Variants in GPHN observed in about 807,000 individuals in gnomAD.
The protein encoded by GPHN is gephyrin.
In GPHN, 17 loss-of-function variants were observed where a neutral mutation model predicts 95.5. The ratio of observed to expected loss-of-function variants is 0.18; its 90% CI spans 0.12 to 0.27. GPHN has a LOEUF of 0.27. Among genes scored for constraint, GPHN ranks in the 10% least tolerant of loss-of-function variants. The pLI is 1.00. For missense variants in GPHN, 660 were observed against 978.1 expected, an observed-to-expected ratio of 0.67 and a Z score of 4.34; for synonymous variants, 320 against 322.5, an observed-to-expected ratio of 0.99 and a Z score of 0.08.
chr14:66,742,235 A>G (rs1391958059), intron 2 of GPHN, among the ~76,000 whole-genome samples: 1 of 152,238 alleles, frequency 6.6e-6, no homozygotes, highest in Admixed American at 6.5e-5. Flanking sequence ...AGACAATATA[A>G]TAAATACCTC....
At chr14:67,619,436 C>T in the GPHN span, among the ~76,000 whole-genome samples, 1 of 152,228 alleles carries the variant, frequency 6.6e-6, no homozygotes, top group Admixed American at 6.5e-5. Flanking sequence ...CACTGATGCC[C>T]AGTCTAAGAG....
chr14:67,321,330 A>G, the GPHN span: 21 of 1,493,422 alleles, frequency 1.4e-5, no homozygotes, highest in Admixed American at 1.7e-4. Context: ...AGTGGAAGCT[A>G]TATTTTGGTC....
At chr14:66,996,197 A>T (rs901286209) in intron 9 of GPHN, 23 of 1,532,826 alleles carry the variant, frequency 1.5e-5, no homozygotes, top group Admixed American at 2.0e-5. Flanking sequence ...CCTCGTGCTC[A>T]TCTACCTATA....
chr14:66,832,463 G>A (rs915144387), intron 4 of GPHN, among the ~76,000 whole-genome samples: 4 of 152,144 alleles, frequency 2.6e-5, no homozygotes, highest in African/African-American at 9.7e-5. Flanking sequence ...CATAATTGGT[G>A]GATATGTCTT....
chr14:66,849,091 G>C (rs920323789), intron 4 of GPHN, among the ~76,000 whole-genome samples: 4 of 151,794 alleles, frequency 2.6e-5, no homozygotes, highest in Non-Finnish European at 5.9e-5. Flanking sequence ...ATTATATTTA[G>C]AAAGATTAAA....
chr14:67,527,503 T>C, the GPHN span, among the ~76,000 whole-genome samples: 2 of 152,156 alleles, frequency 1.3e-5, no homozygotes, highest in Non-Finnish European at 2.9e-5. Flanking sequence ...CCTCAATAAA[T>C]ATGGCTTTAA....
At chr14:67,424,597 TAAAAAAAAAAA>T in the GPHN span, among the ~76,000 whole-genome samples, 1 of 124,898 alleles carries the variant, frequency 8.0e-6, no homozygotes, top group African/African-American at 3.0e-5. Context: ...AGACGCTGTT[TAAAAAAAAAAA>T]AAAAAAAAAG....
chr14:66,799,309 T>A (rs982499478), intron 3 of GPHN, among the ~76,000 whole-genome samples: 1 of 152,014 alleles, frequency 6.6e-6, no homozygotes, highest in Non-Finnish European at 1.5e-5. Flanking sequence ...TGTGAAATGA[T>A]GTGTAAATAT....
At chr14:67,490,609 T>G in the GPHN span, among the ~76,000 whole-genome samples, 3 of 152,196 alleles carry the variant, frequency 2.0e-5, no homozygotes, top group Non-Finnish European at 4.4e-5. Flanking sequence ...TTTTCTCTCC[T>G]TTCCTATAAC....
chr14:67,473,378 G>A, the GPHN span: 1 of 1,595,626 alleles, frequency 6.3e-7, no homozygotes, highest in South Asian at 1.1e-5. This position sits in a 1 kb window ranked among gnomAD's most constrained non-coding sequence, Gnocchi z 6.5. Flanking sequence ...CTTTGTCCAT[G>A]AGTTCCATGA....
chr14:67,341,879 C>T, the GPHN span, among the ~76,000 whole-genome samples: 766 of 152,240 alleles, frequency 5.0e-3, 3 homozygotes, highest in Non-Finnish European at 7.1e-3. Flanking sequence ...TGATCTATGA[C>T]CTTACCCCCA....
rs752388050 is a variant in GPHN at position 67,044,791 on chromosome 14, TTCTCTCTGTC to T, written c.1007-13841_1007-13832del. Among the ~76,000 whole-genome samples the T allele has an allele frequency of 3.9e-3, 597 of 151,452 alleles. 4 individuals are homozygous for T. Among genetic ancestry groups the T allele is most frequent in the African/African-American group, 0.011 (452 of 41,308 alleles). On this transcript the variant is annotated intron_variant, in intron 10 of 22. Transcript: ENST00000478722. Reference sequence around the variant, plus strand: ...CCTCTCTCTGTCTCTCTCTCTGTCTTTCTCTCTGTCTCTCTCTGTCTCTCTCGTCTCTGTC... The same window carrying T: ...CCTCTCTCTGTCTCTCTCTCTGTCTTTCTCTCTGTCTCTCTCGTCTCTGTC...
At chr14:67,412,076 C>T in the GPHN span, 6 of 1,533,114 alleles carry the variant, frequency 3.9e-6, no homozygotes, top group Non-Finnish European at 5.2e-6. Context: ...GCCCGCACGC[C>T]AGGGCCACCC....
the GPHN span, among the ~76,000 whole-genome samples, chr14:67,233,025 A>G: frequency 2.0e-5 from 3 of 152,088 alleles, 1 homozygote; most frequent in African/African-American, 7.2e-5. Flanking sequence ...TGGAAAATAG[A>G]AAAAAAAGAA....
At chr14:67,008,189 T>C (rs1340992141) in intron 9 of GPHN, among the ~76,000 whole-genome samples, 1 of 152,144 alleles carries the variant, frequency 6.6e-6, no homozygotes, top group Non-Finnish European at 1.5e-5. Flanking sequence ...GCGTGGTGGC[T>C]CATGCCTGTA....
the GPHN span, chr14:67,575,859 A>G: frequency 1.9e-6 from 3 of 1,613,942 alleles, no homozygotes; most frequent in Non-Finnish European, 2.5e-6. Context: ...GGATGCGCAC[A>G]TAGAGGAAGT....
chr14:67,340,455 C>T, the GPHN span: 1 of 1,613,836 alleles, frequency 6.2e-7, no homozygotes, highest in Non-Finnish European at 8.5e-7. Flanking sequence ...GAACTCTTCT[C>T]GCTCTCTCTC....
At chr14:67,391,597 G>A in the GPHN span, among the ~76,000 whole-genome samples, 9 of 152,188 alleles carry the variant, frequency 5.9e-5, no homozygotes, top group African/African-American at 1.9e-4. Flanking sequence ...GTGCCGAGCC[G>A]TGTAGGTGCC....
In GPHN at chr14:66,893,137, T is replaced by C. The variant is rs562151847; in HGVS notation, c.389+13104T>C. Among the ~76,000 whole-genome samples, 3 of 152,318 alleles carry C rather than the reference T, an allele frequency of 2.0e-5. No individual in the cohort carries two copies. The South Asian group carries it at 6.2e-4, about 32-fold the overall frequency. Reference sequence around the variant, plus strand: ...CCCAACTTTTATATTTTCCTAAATATCATAGCTTCATAACAGATTTGTGAT... The same window carrying C: ...CCCAACTTTTATATTTTCCTAAATACCATAGCTTCATAACAGATTTGTGAT... On this transcript the variant is annotated intron_variant, in intron 5 of 22. Coordinates refer to ENST00000478722, the MANE Select transcript of GPHN (RefSeq NM_020806.5).
Sources: allele counts gnomAD v4.1 joint callset (sites outside exome capture counted in the v4.1 genomes callset), GRCh38; gene constraint gnomAD v4.1.1; non-coding constraint Gnocchi (gnomAD v3.1); transcripts MANE v1.5; gene names NCBI Gene and HGNC (gene_info 2026-07-23, HGNC 2026-07-21).